Variants in ITGA4 observed in about 807,000 individuals in gnomAD.
ITGA4 encodes the protein integrin alpha-4.
ITGA4 carries 63 observed loss-of-function variants against 133.6 expected under a neutral mutation model. That is an observed-to-expected ratio of 0.47 (90% confidence interval 0.38 to 0.58). The LOEUF (loss-of-function observed/expected upper bound fraction) is 0.58. Among genes scored for constraint, ITGA4 ranks in the 20% least tolerant of loss-of-function variants. The pLI, the probability that ITGA4 is intolerant of heterozygous loss-of-function variation, is 0.00. For missense variants in ITGA4, 1,076 were observed against 1,252.7 expected (o/e 0.86, Z 2.13); for synonymous variants, 483 against 438.0 (o/e 1.10, Z -1.28).
At chr2:181,490,593 G>T (rs1038457514) in intron 10 of ITGA4, among the ~76,000 whole-genome samples, 1 of 151,446 alleles carries the variant, frequency 6.6e-6, no homozygotes, top group Non-Finnish European at 1.5e-5. Flanking sequence ...GAAATTTGGG[G>T]GTATGACCTC....
chr2:181,538,339 T>G lies in ITGA4; in HGVS notation c.*2812T>G, dbSNP rs1687304410. On this transcript the variant is annotated 3_prime_UTR_variant, in exon 28 of 28. Transcript: ENST00000397033. ...CACAATGCCAATGCCAAATACAAAT[T>G]GATAACAAACACAGCATTCCCAACA... is the stretch of plus-strand genomic sequence containing the variant. 1 of 720,992 alleles carries G rather than the reference T, an allele frequency of 1.4e-6. No individual in the cohort carries two copies. The highest frequency in any genetic ancestry group is 2.5e-6 in the Non-Finnish European group (1 of 403,032). The allele number at this position is 720,992 out of a possible 1,614,324, so 44.7% of individuals were successfully genotyped here. A position where few individuals can be genotyped will look rare whatever the true frequency, so the allele number is the denominator to read the frequency against.
intron 17 of ITGA4, among the ~76,000 whole-genome samples, chr2:181,514,062 G>A (rs1347382829): frequency 2.6e-5 from 4 of 152,138 alleles, no homozygotes; most frequent in African/African-American, 4.8e-5. Flanking sequence ...AGATTCATAG[G>A]TAGAGGAATT....
chr2:181,499,728 A>C (rs1486892138), intron 15 of ITGA4, among the ~76,000 whole-genome samples: 1 of 152,216 alleles, frequency 6.6e-6, no homozygotes, highest in African/African-American at 2.4e-5. Context: ...AAAGTATAGA[A>C]TATTAATGTA....
At chr2:181,472,616 T>C (rs1479136435) in intron 2 of ITGA4, among the ~76,000 whole-genome samples, 6 of 152,244 alleles carry the variant, frequency 3.9e-5, no homozygotes, top group African/African-American at 1.4e-4. Flanking sequence ...TTATCTATTT[T>C]TGACAGTAAA....
At chr2:181,490,614 G>A (rs1212890039) in intron 10 of ITGA4, among the ~76,000 whole-genome samples, 1 of 151,980 alleles carries the variant, frequency 6.6e-6, no homozygotes, top group East Asian at 1.9e-4. Flanking sequence ...TGTTGTTAAT[G>A]AGTCTATAGA....
chr2:181,493,552 A>G, intron 11 of ITGA4, 133 bp downstream of exon 11: 1 of 518,034 alleles, frequency 1.9e-6, no homozygotes, highest in Non-Finnish European at 3.4e-6. Context: ...CCGTTTACTT[A>G]TAGTGGCAAA....
chr2:181,527,443 G>A, intron 22 of ITGA4, 56 bp downstream of exon 22: 1 of 1,172,416 alleles, frequency 8.5e-7, no homozygotes, highest in Non-Finnish European at 1.3e-6. Flanking sequence ...TGTCACTGAT[G>A]CATTGCTCCA....
chr2:181,468,167 C>T (rs1227002714), intron 2 of ITGA4, among the ~76,000 whole-genome samples: 1 of 152,186 alleles, frequency 6.6e-6, no homozygotes, highest in African/African-American at 2.4e-5. Flanking sequence ...TCTGAGGACC[C>T]CAGCTGATTC....
chr2:181,525,258 C>T lies in ITGA4; in HGVS notation c.2306C>T (p.Pro769Leu). The change falls in exon 21 of 28, where the codon CCT becomes CTT. Residue 769 changes from proline (P) to leucine (L), a missense_variant. By Grantham distance (98) the Pro-to-Leu change is moderately conservative. Coordinates refer to ENST00000397033, the MANE Select transcript of ITGA4 (RefSeq NM_000885.6). ...CACAGCAGAGTGACTGTAGCAATAC[C>T]TTTAAAATATGAGGTTAAGCTGACT... ...LKHSRVTVAIPLKYEVKLTVH... is the reference protein window; with the variant it reads ...LKHSRVTVAILLKYEVKLTVH... The T allele has an allele frequency of 6.2e-7, 1 of 1,604,840 alleles. No homozygotes were observed. Among genetic ancestry groups the T allele is most frequent in the Non-Finnish European group, 8.5e-7 (1 of 1,172,208 alleles).
At position 181,538,259 on chromosome 2, in the gene ITGA4, C is replaced by CATT; in HGVS notation, c.*2736_*2738dup. The CATT allele has an allele frequency of 6.7e-7, 1 of 1,497,950 alleles. No individual in the cohort carries two copies. The highest frequency in any genetic ancestry group is 2.3e-5 in the East Asian group (1 of 44,254). 92.8% of individuals were successfully genotyped at this position (1,497,950 alleles called of 1,614,324 possible). A position where few individuals can be genotyped will look rare whatever the true frequency, so the allele number is the denominator to read the frequency against. The stretch of plus-strand genomic sequence containing the variant: ...TTGGATGCAATCTGTAAAGAAAATA[C>CATT]ATTATTTCATCAACTTATTTTGTTG... On this transcript the variant is annotated 3_prime_UTR_variant, in exon 28 of 28. Transcript: ENST00000397033.
rs941731872 is a variant in ITGA4, at chr2:181,457,466, C to A, written c.-189C>A. On this transcript the variant is annotated 5_prime_UTR_variant, in exon 1 of 28. Coordinates refer to ENST00000397033, the MANE Select transcript of ITGA4 (RefSeq NM_000885.6). ...CGGGCGAGTGCGCGGCATCCCAGGC[C>A]GGCCCGAACGCTCCGCCCGCGGTGG... is the stretch of plus-strand genomic sequence containing the variant. 5.2e-6 allele frequency: 3 copies of A among 577,488 alleles called. No individual in the cohort carries two copies. In the Admixed American group the frequency reaches 1.0e-4, roughly 20 times the overall value. The allele number at this position is 577,488 out of a possible 1,614,324, so 35.8% of individuals were successfully genotyped here.
At chr2:181,472,585 G>T (rs1198341146) in intron 2 of ITGA4, among the ~76,000 whole-genome samples, 1 of 152,194 alleles carries the variant, frequency 6.6e-6, no homozygotes, top group Non-Finnish European at 1.5e-5. Flanking sequence ...GGAACTTCAT[G>T]TAGACTGAAT....
intron 16 of ITGA4, among the ~76,000 whole-genome samples, chr2:181,511,124 C>T (rs1686498658): frequency 6.6e-6 from 1 of 151,980 alleles, no homozygotes; most frequent in Non-Finnish European, 1.5e-5. Flanking sequence ...TTTTGCCCAG[C>T]TTATGCCTTG....
chr2:181,470,998 A>G (rs1308889912), intron 2 of ITGA4, among the ~76,000 whole-genome samples: 1 of 152,176 alleles, frequency 6.6e-6, no homozygotes, highest in African/African-American at 2.4e-5. Flanking sequence ...TTACCTCAAT[A>G]TTATTGCTGT....
chr2:181,538,363 C>CAGAGCTGTAATCTAG lies in ITGA4; in HGVS notation c.*2838_*2852dup. 1 of 642,856 alleles carries CAGAGCTGTAATCTAG rather than the reference C, an allele frequency of 1.6e-6. No individual in the cohort carries two copies. The highest frequency in any genetic ancestry group is 2.8e-6 in the Non-Finnish European group (1 of 352,410). The allele number at this position is 642,856 out of a possible 1,614,324, so 39.8% of individuals were successfully genotyped here. Reference sequence around the variant, plus strand: ...TTGATAACAAACACAGCATTCCCAACAGAGCTGTAATCTAGAAAACTGAGA... The same window carrying CAGAGCTGTAATCTAG: ...TTGATAACAAACACAGCATTCCCAACAGAGCTGTAATCTAGAGAGCTGTAATCTAGAAAACTGAGA... On this transcript the variant is annotated 3_prime_UTR_variant, in exon 28 of 28. Coordinates refer to ENST00000397033, the MANE Select transcript of ITGA4 (RefSeq NM_000885.6).
intron 4 of ITGA4, 56 bp from the exon 5 acceptor site, chr2:181,478,701 T>C (rs1429538963): frequency 1.3e-6 from 1 of 742,426 alleles, no homozygotes; most frequent in Non-Finnish European, 2.1e-6. Flanking sequence ...AGAAACAAAT[T>C]ATGGAGATTT....
Position 181,537,486 on chromosome 2 carries a change from A to C in ITGA4, c.*1959A>C. 2.2e-6 allele frequency: 1 copy of C among 453,104 alleles called. No homozygotes were observed. The highest frequency in any genetic ancestry group is 4.4e-6 in the Non-Finnish European group (1 of 226,444). The allele number at this position is 453,104 out of a possible 1,614,324, so 28.1% of individuals were successfully genotyped here. On this transcript the variant is annotated 3_prime_UTR_variant, in exon 28 of 28. Coordinates refer to ENST00000397033, the MANE Select transcript of ITGA4 (RefSeq NM_000885.6). ...CACTTTAAGAAGACAGGGATGGGTTATTCTTTTTTGGCAGGTAGGCTATAT... is the reference window on the plus strand; with the variant it reads ...CACTTTAAGAAGACAGGGATGGGTTCTTCTTTTTTGGCAGGTAGGCTATAT...
intron 15 of ITGA4, among the ~76,000 whole-genome samples, chr2:181,502,748 G>T (rs546049087): frequency 6.6e-6 from 1 of 152,202 alleles, no homozygotes; most frequent in East Asian, 1.9e-4. Flanking sequence ...CAGGATGGTT[G>T]TCAGATGGTG....
At chr2:181,532,064 C>T (rs1465059158) in intron 25 of ITGA4, among the ~76,000 whole-genome samples, 2 of 152,092 alleles carry the variant, frequency 1.3e-5, no homozygotes, top group Admixed American at 1.3e-4. Context: ...CACTTGAGGC[C>T]AGGAGTTCGA....
Sources: gnomAD v4.1 joint callset for allele counts (sites outside exome capture counted in the v4.1 genomes callset) on GRCh38, gnomAD v4.1.1 for gene constraint, MANE v1.5 for transcripts, NCBI Gene and HGNC (gene_info 2026-07-23, HGNC 2026-07-21) for gene names.